ATP11B: variants seen among roughly 807,000 people sequenced by gnomAD.
The protein encoded by ATP11B is phospholipid-transporting ATPase IF.
In ATP11B, 81 loss-of-function variants were observed where a neutral mutation model predicts 157.8. That is an observed-to-expected ratio of 0.51 (90% CI 0.43 to 0.62). The LOEUF is 0.62. Among genes scored for constraint, ATP11B ranks in the 20% least tolerant of loss-of-function variants. The probability of loss-of-function intolerance (pLI) is 0.00; values close to 1 mark genes in which losing one functional copy is unlikely to be tolerated. For missense variants in ATP11B, 1,165 were observed against 1,402.2 expected (o/e 0.83, Z 2.70); for synonymous variants, 451 against 469.4 (o/e 0.96, Z 0.51).
intron 2 of ATP11B, among the ~76,000 whole-genome samples, chr3:182,825,372 G>T (rs771938383): frequency 5.9e-5 from 9 of 151,984 alleles, no homozygotes; most frequent in Admixed American, 1.3e-4. Flanking sequence ...CTTGCATGTT[G>T]TGGTTGTGTG....
chr3:182,838,470 A>G (rs1718735484), intron 7 of ATP11B, among the ~76,000 whole-genome samples: 1 of 152,222 alleles, frequency 6.6e-6, no homozygotes, highest in African/African-American at 2.4e-5. Context: ...AAACTTTTTT[A>G]AATAAACACT....
intron 28 of ATP11B, among the ~76,000 whole-genome samples, chr3:182,903,461 C>T (rs1724112485): frequency 6.6e-6 from 1 of 152,004 alleles, no homozygotes; most frequent in Non-Finnish European, 1.5e-5. Context: ...TTACGAAGCA[C>T]CACTTAAATA....
At chr3:182,817,793 C>CT (rs145392454) in intron 1 of ATP11B, among the ~76,000 whole-genome samples, 5,298 of 145,998 alleles carry the variant, frequency 0.036, 306 homozygotes, top group African/African-American at 0.12. Context: ...ATTTTGGGTC[C>CT]TTTTTTTTTT....
At chr3:182,846,455 A>G (rs1697261496) in intron 9 of ATP11B, among the ~76,000 whole-genome samples, 1 of 152,214 alleles carries the variant, frequency 6.6e-6, no homozygotes, top group African/African-American at 2.4e-5. Context: ...TATATGACTT[A>G]ATGATCCCAC....
chr3:182,893,961 A>G (rs1366371347), intron 25 of ATP11B, among the ~76,000 whole-genome samples: 2 of 152,094 alleles, frequency 1.3e-5, no homozygotes, highest in Admixed American at 1.3e-4. Flanking sequence ...TCTCATGTTC[A>G]TTGGTCATTT....
At chr3:182,876,153 G>A (rs1722025604) in intron 19 of ATP11B, among the ~76,000 whole-genome samples, 1 of 152,048 alleles carries the variant, frequency 6.6e-6, no homozygotes, top group Admixed American at 6.6e-5. Flanking sequence ...TGAGACAAGA[G>A]GATCACTTGA....
Position 182,865,594 on chromosome 3 carries a change from G to A in ATP11B, c.1339G>A (p.Glu447Lys). The A allele has an allele frequency of 6.2e-7, 1 of 1,613,816 alleles. No individual in the cohort carries two copies. Among genetic ancestry groups the A allele is most frequent in the African/African-American group, 1.3e-5 (1 of 75,028 alleles). The part of the protein sequence containing the change: ...VPEGPTPDSS[E>K]GNLSYLSSLS... ...CGAAGGACCAACACCAGACTCTTCAGAAGGAAACTTATCTTATCTTAGTAG... is the reference window on the plus strand; with the variant it reads ...CGAAGGACCAACACCAGACTCTTCAAAAGGAAACTTATCTTATCTTAGTAG... The change falls in exon 13 of 30, where the codon GAA (glutamate) becomes AAA (lysine). Residue 447 changes from glutamate to lysine, a missense_variant. Glu to Lys is a moderately conservative substitution (Grantham distance 56, BLOSUM62 1). This residue lies in a region of ATP11B where 737 missense variants were observed against 930.5 expected (regional missense o/e 0.79). Transcript: ENST00000323116.
At chr3:182,805,625 CT>C (rs71183648) in intron 1 of ATP11B, among the ~76,000 whole-genome samples, 155 of 140,190 alleles carry the variant, frequency 1.1e-3, no homozygotes, top group African/African-American at 1.6e-3. Context: ...CAGCTAATTT[CT>C]TTTTTTTTTT....
At position 182,880,860 on chromosome 3, in the gene ATP11B, A is replaced by G. The variant is rs1722375576; in HGVS notation, c.2407-19A>G. 6.7e-7 allele frequency: 1 copy of G among 1,500,306 alleles called. No individual in the cohort carries two copies. Among genetic ancestry groups the G allele is most frequent in the African/African-American group, 1.4e-5 (1 of 70,280 alleles). The allele number at this position is 1,500,306 out of a possible 1,614,324, so 92.9% of individuals were successfully genotyped here. A position where few individuals can be genotyped will look rare whatever the true frequency, so the allele number is the denominator to read the frequency against. ...AATTGAACTTGCGTCATAAATAACC[A>G]ATTCATTATGTCTTTCAGGTAATAA... On this transcript the variant is annotated intron_variant, in intron 20 of 29. Coordinates refer to ENST00000323116, the MANE Select transcript of ATP11B (RefSeq NM_014616.3).
rs1485603945 is a variant in ATP11B at position 182,845,066 on chromosome 3, G to A, written c.705-392G>A. Among the ~76,000 whole-genome samples the A allele has an allele frequency of 3.4e-5, 5 of 148,356 alleles. No individual in the cohort carries two copies. The East Asian group carries it at 5.9e-4, about 18-fold the overall frequency. The stretch of plus-strand genomic sequence containing the variant: ...GTCACCCAGGCTGGAGTGCAGTGGC[G>A]CAATCTCGGCTCACTGCAACCTCCG... On this transcript the variant is annotated intron_variant, in intron 8 of 29. Coordinates refer to ENST00000323116, the MANE Select transcript of ATP11B (RefSeq NM_014616.3).
At chr3:182,901,340 CAA>C (rs1226647966) in intron 28 of ATP11B, among the ~76,000 whole-genome samples, 3 of 49,240 alleles carry the variant, frequency 6.1e-5, no homozygotes, top group Non-Finnish European at 4.5e-5. Context: ...CTCCGTCTCA[CAA>C]AAAAAAAAAA....
intron 4 of ATP11B, 140 bp from the exon 5 acceptor site, chr3:182,835,895 A>G (rs1718511564): frequency 6.8e-6 from 4 of 585,098 alleles, no homozygotes; most frequent in African/African-American, 1.9e-5. Context: ...TCAGATACCT[A>G]TGAGCATGTG....
chr3:182,805,879 A>G (rs145793768), intron 1 of ATP11B, among the ~76,000 whole-genome samples: 122 of 152,316 alleles, frequency 8.0e-4, no homozygotes, highest in African/African-American at 2.9e-3. Context: ...ATTTTCTCCC[A>G]TAATGTGGGT....
intron 19 of ATP11B, 150 bp downstream of exon 19, chr3:182,874,165 GA>G: frequency 4.6e-6 from 3 of 646,526 alleles, no homozygotes; most frequent in Non-Finnish European, 7.8e-6. Flanking sequence ...GAAATCCAAA[GA>G]AGAAGAATAT....
At chr3:182,866,146 C>T in intron 13 of ATP11B, 122 bp from the exon 14 acceptor site, 1 of 700,240 alleles carries the variant, frequency 1.4e-6, no homozygotes, top group East Asian at 3.2e-5. Flanking sequence ...AAACAACCAA[C>T]TGTTATTCAG....
In ATP11B at chr3:182,869,284, G is replaced by A; in HGVS notation, c.1819G>A (p.Gly607Ser). Residue 607 changes from glycine (G) to serine (S), a missense_variant, in exon 17 of 30, where the codon GGT becomes AGT. By Grantham distance (56) the Gly-to-Ser change is moderately conservative. This residue lies in a region of ATP11B where 737 missense variants were observed against 930.5 expected (regional missense o/e 0.79). Transcript: ENST00000323116. Reference protein sequence around the residue: ...AESSILPKCIGGEIEKTRIHV... With the variant: ...AESSILPKCISGEIEKTRIHV... Reference sequence around the variant, plus strand: ...GTCATCAATTCTCCCTAAATGTATAGGTGGAGAAATAGAAAAAACCAGAAT... The same window carrying A: ...GTCATCAATTCTCCCTAAATGTATAAGTGGAGAAATAGAAAAAACCAGAAT... The A allele has an allele frequency of 6.2e-7, 1 of 1,609,522 alleles. No individual in the cohort carries two copies. Among genetic ancestry groups the A allele is most frequent in the Non-Finnish European group, 8.5e-7 (1 of 1,178,142 alleles).
intron 8 of ATP11B, among the ~76,000 whole-genome samples, chr3:182,844,792 A>G: frequency 6.6e-6 from 1 of 152,080 alleles, no homozygotes; most frequent in Non-Finnish European, 1.5e-5. Flanking sequence ...TTAAAATTTT[A>G]AAATTTCATC....
chr3:182,861,143 G>A (rs1720803057), intron 12 of ATP11B, among the ~76,000 whole-genome samples: 2 of 147,260 alleles, frequency 1.4e-5, no homozygotes, highest in Non-Finnish European at 1.5e-5. Context: ...TTGGCTCACT[G>A]CAACCTCCGC....
intron 21 of ATP11B, 30 bp downstream of exon 21, chr3:182,881,011 T>A: frequency 6.7e-7 from 1 of 1,494,216 alleles, no homozygotes; most frequent in Non-Finnish European, 9.1e-7. Context: ...AAGTTTTTCC[T>A]GAACTTTTAA....
Sources: gnomAD v4.1 joint callset for allele counts (sites outside exome capture counted in the v4.1 genomes callset) on GRCh38, gnomAD v4.1.1 for gene constraint, gnomAD v4.1.1 regional missense constraint, MANE v1.5 for transcripts, NCBI Gene and HGNC (gene_info 2026-07-23, HGNC 2026-07-21) for gene names.